VWCE: variants seen among roughly 807,000 people sequenced by gnomAD.
The protein encoded by VWCE is von Willebrand factor C and EGF domain-containing protein.
A neutral mutation model predicts 102.9 loss-of-function variants in VWCE; 68 were observed. The observed-to-expected ratio is 0.66, with a 90% CI of 0.54 to 0.81. VWCE has a LOEUF of 0.81. Ranked by LOEUF, VWCE falls within the 30% of genes least tolerant of loss-of-function variation. The pLI, the probability that VWCE is intolerant of heterozygous loss-of-function variation, is 0.00. For missense variants in VWCE, 1,137 were observed against 1,263.6 expected (o/e 0.90, Z 1.52); for synonymous variants, 497 against 515.4 (o/e 0.96, Z 0.48).
Position 61,278,377 on chromosome 11 carries a change from G to A in VWCE, c.1407+17C>T, listed in dbSNP as rs780719785. The A allele has an allele frequency of 1.2e-5, 19 of 1,613,776 alleles. No individual in the cohort carries two copies. Reference sequence around the variant, plus strand: ...AAGAAAACACCCACGAGGCTTTGAGGATCTTGTGACGCTTACCAGACAGAC... The same window carrying A: ...AAGAAAACACCCACGAGGCTTTGAGAATCTTGTGACGCTTACCAGACAGAC... On this transcript the variant is annotated intron_variant, in intron 10 of 19. Coordinates refer to ENST00000335613, the MANE Select transcript of VWCE (RefSeq NM_152718.2).
chr11:61,289,116 C>T (rs970490018), intron 4 of VWCE, among the ~76,000 whole-genome samples: 18 of 151,268 alleles, frequency 1.2e-4, no homozygotes, highest in South Asian at 4.2e-4. Context: ...GAGATTACAG[C>T]GGTGAGCCAC....
intron 14 of VWCE, 142 bp from the exon 15 acceptor site, chr11:61,269,160 C>T (rs777977849): frequency 7.9e-5 from 57 of 717,540 alleles, no homozygotes; most frequent in Non-Finnish European, 1.3e-4. Flanking sequence ...GATGGCAGGT[C>T]TCCCCTAAAG....
intron 14 of VWCE, chr11:61,269,313 C>T (rs991782863): frequency 1.2e-5 from 5 of 401,142 alleles, no homozygotes; most frequent in African/African-American, 8.0e-5. Context: ...CATCCAAATC[C>T]TTTCTCAGCT....
rs532509803 is a variant in VWCE at position 61,271,932 on chromosome 11, C to A, written c.1700-172G>T. 5.9e-5 allele frequency among the ~76,000 whole-genome samples: 9 copies of A among 152,210 alleles called. No individual in the cohort carries two copies. The South Asian group carries it at 1.9e-3, about 32-fold the overall frequency. On this transcript the variant is annotated intron_variant, in intron 13 of 19. Transcript: ENST00000335613. ...CACACTTACACAGATACAATTCACA[C>A]AGATACACATACACTCATACAAATG...
At position 61,278,409 on chromosome 11, in the gene VWCE, G is replaced by T. The variant is rs200187458; in HGVS notation, c.1392C>A (p.Thr464=). Residue 464 remains threonine, a synonymous_variant, in exon 10 of 20, where the codon ACC becomes ACA. Coordinates refer to ENST00000335613, the MANE Select transcript of VWCE (RefSeq NM_152718.2). ...TGACGCTTACCAGACAGACACAGAC[G>T]GTGCAGTTCTCATTGGGAGGTGAAA... ...DVFSPPNENC[T]VCVCLAGNVS... The T allele has an allele frequency of 6.2e-7, 1 of 1,613,978 alleles. No homozygotes were observed. Among genetic ancestry groups the T allele is most frequent in the South Asian group, 1.1e-5 (1 of 91,082 alleles).
Position 61,276,467 on chromosome 11 carries a change from C to T in VWCE, c.1495+126G>A, listed in dbSNP as rs149077514. ...GCTTGGGGGCTCATGCCTGTCATCC[C>T]AGCACTTTGAGAGGCTGAAGCAGGA... On this transcript the variant is annotated intron_variant, in intron 11 of 19. Transcript: ENST00000335613. 1.5e-5 allele frequency: 10 copies of T among 678,308 alleles called. No individual in the cohort carries two copies. In the East Asian group the frequency reaches 2.6e-4, roughly 18 times the overall value. The allele number at this position is 678,308 out of a possible 1,614,324, so 42.0% of individuals were successfully genotyped here. A position where few individuals can be genotyped will look rare whatever the true frequency, so the allele number is the denominator to read the frequency against.
intron 9 of VWCE, among the ~76,000 whole-genome samples, chr11:61,279,138 A>C (rs7111608): frequency 0.26 from 39,357 of 152,046 alleles, 8,730 homozygotes; most frequent in African/African-American, 0.61. Flanking sequence ...TAGTACCCAG[A>C]TTGTCTTCAC....
At position 61,273,269 on chromosome 11, in the gene VWCE, G is replaced by T; in HGVS notation, c.1629C>A (p.Cys543Ter). Reference protein sequence around the residue: ...CSFMPCPELACPREEWRLGPG... With the variant: ...CSFMPCPELA ...GGCCCAGCCGCCACTCTTCTCGGGG[G>T]CAGGCCAGCTCAGGGCAGGGCATGA... The change falls in exon 13 of 20, where the codon TGC becomes TGA. Residue 543 changes from cysteine (C) to a stop codon, truncating the protein, a stop_gained. Coordinates refer to ENST00000335613, the MANE Select transcript of VWCE (RefSeq NM_152718.2). LOFTEE classifies it high-confidence loss of function. The T allele has an allele frequency of 6.2e-7, 1 of 1,613,842 alleles. No individual in the cohort carries two copies. Among genetic ancestry groups the T allele is most frequent in the Non-Finnish European group, 8.5e-7 (1 of 1,179,896 alleles).
At chr11:61,270,406 A>G (rs1485580495) in intron 14 of VWCE, among the ~76,000 whole-genome samples, 2 of 152,202 alleles carry the variant, frequency 1.3e-5, no homozygotes, top group African/African-American at 2.4e-5. Context: ...CCTCATTTTG[A>G]GAAATAAACC....
At chr11:61,261,487 A>G (rs1854358110) in intron 19 of VWCE, among the ~76,000 whole-genome samples, 1 of 152,110 alleles carries the variant, frequency 6.6e-6, no homozygotes, top group South Asian at 2.1e-4. Flanking sequence ...TCATGCCTGT[A>G]ATCTCAACAG....
At chr11:61,280,124 T>C (rs1855068390) in intron 9 of VWCE, among the ~76,000 whole-genome samples, 1 of 152,016 alleles carries the variant, frequency 6.6e-6, no homozygotes, top group South Asian at 2.1e-4. Flanking sequence ...GTCCCTATCC[T>C]TCCAGCAATG....
chr11:61,273,089 T>TAC (rs910712474), intron 13 of VWCE, 110 bp downstream of exon 13: 25 of 1,075,302 alleles, frequency 2.3e-5, no homozygotes, highest in Middle Eastern at 4.0e-4. Context: ...AAGACACATG[T>TAC]ACACACACAC....
At chr11:61,287,671 C>A (rs2134842040) in intron 4 of VWCE, among the ~76,000 whole-genome samples, 1 of 152,328 alleles carries the variant, frequency 6.6e-6, no homozygotes. Context: ...CTGGCCCAGG[C>A]AGGCATGCCC....
At chr11:61,269,246 G>T (rs189001764) in intron 14 of VWCE, 49 of 540,296 alleles carry the variant, frequency 9.1e-5, no homozygotes, top group African/African-American at 8.3e-4. Context: ...GAAGGTCAGG[G>T]TTGGGATTCT....
At chr11:61,268,704 C>T (rs1298980366) in intron 15 of VWCE, among the ~76,000 whole-genome samples, 1 of 152,240 alleles carries the variant, frequency 6.6e-6, no homozygotes, top group Non-Finnish European at 1.5e-5. Context: ...CTGTACCACC[C>T]ACCTGCACCG....
chr11:61,271,910 AC>A, intron 13 of VWCE, 150 bp from the exon 14 acceptor site: 1 of 683,848 alleles, frequency 1.5e-6, no homozygotes, highest in East Asian at 2.8e-5. Flanking sequence ...ACAAATGCAC[AC>A]TTACACAGAT....
chr11:61,281,743 G>A lies in VWCE; in HGVS notation c.787+43C>T, dbSNP rs778595595. 3.7e-5 allele frequency: 59 copies of A among 1,576,516 alleles called. 1 individual carries two copies. The South Asian group carries it at 6.8e-4, about 18-fold the overall frequency. Reference sequence around the variant, plus strand: ...GGGGCGTAGCTGGGGCAGGCACTGAGGGGGCGTGGCCAGCCGCCGGGATGG... The same window carrying A: ...GGGGCGTAGCTGGGGCAGGCACTGAAGGGGCGTGGCCAGCCGCCGGGATGG... On this transcript the variant is annotated intron_variant, in intron 7 of 19. Transcript: ENST00000335613.
intron 1 of VWCE, among the ~76,000 whole-genome samples, chr11:61,293,311 A>T (rs1855572349): frequency 6.8e-6 from 1 of 145,996 alleles, no homozygotes; most frequent in Admixed American, 6.8e-5. Flanking sequence ...CAGCTGCTCG[A>T]GAGGCTGAGG....
intron 11 of VWCE, among the ~76,000 whole-genome samples, chr11:61,275,356 C>G (rs114674068): frequency 1.8e-4 from 27 of 152,166 alleles, no homozygotes; most frequent in African/African-American, 6.3e-4. Flanking sequence ...CCGAGCTATA[C>G]AACTCACCAG....
Sources: allele counts gnomAD v4.1 joint callset (sites outside exome capture counted in the v4.1 genomes callset), GRCh38; gene constraint gnomAD v4.1.1; transcripts MANE v1.5; gene names NCBI Gene and HGNC (gene_info 2026-07-23, HGNC 2026-07-21).